GLIPR1: variants seen among roughly 807,000 people sequenced by gnomAD.
GLIPR1 encodes glioma pathogenesis-related protein 1.
In GLIPR1, 38 loss-of-function variants were observed where a neutral mutation model predicts 30.3. That is an observed-to-expected ratio of 1.26 (90% CI 0.97 to 1.65). GLIPR1 has a LOEUF of 1.65. Among genes scored for constraint, GLIPR1 ranks in the 40% most tolerant of loss-of-function variants. GLIPR1 has a pLI of 0.00. For synonymous variants in GLIPR1, 122 were observed against 110.6 expected, an observed-to-expected ratio of 1.10 and a Z score of -0.65; for missense variants, 285 against 326.5, an observed-to-expected ratio of 0.87 and a Z score of 0.98.
intron 3 of GLIPR1, chr12:75,494,455 G>C (rs2046339135): frequency 6.6e-6 from 1 of 152,090 alleles, no homozygotes; most frequent in Non-Finnish European, 1.5e-5. Context: ...TCAAAATATA[G>C]TTTGTGTTCA....
chr12:75,498,199 T>G (rs980086302), intron 4 of GLIPR1: 1 of 152,320 alleles, frequency 6.6e-6, no homozygotes, highest in East Asian at 1.9e-4. Context: ...TGAATAAAGC[T>G]CAGTGAAAGG....
At chr12:75,481,708 T>C (rs1159564047) in intron 1 of GLIPR1, 126 bp from the exon 2 acceptor site, 50 of 779,812 alleles carry the variant, frequency 6.4e-5, no homozygotes, top group South Asian at 5.0e-4. Context: ...ACCATATTTA[T>C]AGAGGACTCA....
In GLIPR1 at chr12:75,495,489, TC is replaced by T; in HGVS notation, c.534-87del. 4.2e-6 allele frequency: 3 copies of T among 705,892 alleles called. No homozygotes were observed. The South Asian group carries it at 4.8e-5, about 11-fold the overall frequency. 43.7% of individuals were successfully genotyped at this position (705,892 alleles called of 1,614,324 possible). On this transcript the variant is annotated intron_variant, in intron 3 of 5. Coordinates refer to ENST00000266659, the MANE Select transcript of GLIPR1 (RefSeq NM_006851.3). ...GGACCTTTGTACTTCACTCCACTAT[TC>T]TTCTGGATTTAGTTAAGGATTCATA... is the stretch of plus-strand genomic sequence containing the variant.
At chr12:75,485,761 G>A (rs560791805) in intron 2 of GLIPR1, among the ~76,000 whole-genome samples, 104 of 151,822 alleles carry the variant, frequency 6.9e-4, no homozygotes, top group African/African-American at 2.1e-3. Context: ...CGTTTTAGCC[G>A]GGATGGTCTC....
At chr12:75,491,091 T>C (rs1441350667) in intron 3 of GLIPR1, 1 of 152,234 alleles carries the variant, frequency 6.6e-6, no homozygotes, top group East Asian at 1.9e-4. Context: ...ACTGAAAATA[T>C]ACATTTTCTA....
At chr12:75,481,194 A>G in intron 1 of GLIPR1, 140 bp downstream of exon 1, 1 of 596,382 alleles carries the variant, frequency 1.7e-6, no homozygotes. Context: ...ACAGTCTGTG[A>G]TCAAAACACA....
rs551644100 is a variant in GLIPR1 at position 75,499,680 on chromosome 12, A to G, written c.*702A>G. The G allele has an allele frequency of 2.5e-5, 13 of 528,160 alleles. No individual in the cohort carries two copies. Among genetic ancestry groups the G allele is most frequent in the African/African-American group, 2.4e-4 (12 of 49,348 alleles). 32.7% of individuals were successfully genotyped at this position (528,160 alleles called of 1,614,324 possible). Reference sequence around the variant, plus strand: ...TATAATTTATAAAGAACACTCTTCTATGAACAACCACCACCACCAAAAAAA... The same window carrying G: ...TATAATTTATAAAGAACACTCTTCTGTGAACAACCACCACCACCAAAAAAA... On this transcript the variant is annotated 3_prime_UTR_variant, in exon 6 of 6. Coordinates refer to ENST00000266659, the MANE Select transcript of GLIPR1 (RefSeq NM_006851.3).
intron 3 of GLIPR1, chr12:75,490,794 G>C (rs2046319489): frequency 4.3e-6 from 1 of 230,918 alleles, no homozygotes; most frequent in African/African-American, 2.3e-5. Context: ...TTTTAAGAGT[G>C]GTAAGACTAA....
rs1335226571 is a variant in GLIPR1 at position 75,482,469 on chromosome 12, C to T, written c.420+390C>T. On this transcript the variant is annotated intron_variant, in intron 2 of 5. Transcript: ENST00000266659. ...ATAAAATTGGAAGAAACAAGACTCT[C>T]AGACAGAAACATCAATAAGAACTGA... 3.9e-5 allele frequency among the ~76,000 whole-genome samples: 6 copies of T among 152,306 alleles called. No homozygotes were observed. In the East Asian group the frequency reaches 1.2e-3, roughly 29 times the overall value.
In GLIPR1 at chr12:75,499,128, C is replaced by CCTAA. The variant is rs112476946; in HGVS notation, c.*153_*156dup. On this transcript the variant is annotated 3_prime_UTR_variant, in exon 6 of 6. Coordinates refer to ENST00000266659, the MANE Select transcript of GLIPR1 (RefSeq NM_006851.3). ...TACTCTTACTCAAAAGAAGAAATTTCCTAACTCTATCAGATAAACTCATCT... is the reference window on the plus strand; with the variant it reads ...TACTCTTACTCAAAAGAAGAAATTTCCTAACTAACTCTATCAGATAAACTCATCT... 3.5e-4 allele frequency: 172 copies of CCTAA among 491,758 alleles called. 1 individual carries two copies. Among genetic ancestry groups the CCTAA allele is most frequent in the African/African-American group, 3.2e-3 (161 of 49,626 alleles). The allele number at this position is 491,758 out of a possible 1,614,324, so 30.5% of individuals were successfully genotyped here.
Position 75,501,858 on chromosome 12 carries a change from T to G in GLIPR1, c.*2880T>G. ...AAAATATATCAGTTAAATGTATTTA[T>G]AGTTAAATAATTCAAGTATCTATGA... On this transcript the variant is annotated 3_prime_UTR_variant, in exon 6 of 6. Coordinates refer to ENST00000266659, the MANE Select transcript of GLIPR1 (RefSeq NM_006851.3). The G allele has an allele frequency of 1.9e-6, 3 of 1,572,402 alleles. No homozygotes were observed. Among genetic ancestry groups the G allele is most frequent in the Non-Finnish European group, 2.6e-6 (3 of 1,148,432 alleles).
At chr12:75,490,726 G>GT (rs2046318975) in intron 3 of GLIPR1, 5 of 483,452 alleles carry the variant, frequency 1.0e-5, no homozygotes, top group Non-Finnish European at 1.1e-5. Flanking sequence ...GAGAGAGAGA[G>GT]GGTGTGTGTG....
Position 75,498,864 on chromosome 12 carries a change from A to G in GLIPR1, c.687A>G (p.Pro229=), listed in dbSNP as rs773845498. 5.0e-5 allele frequency: 80 copies of G among 1,611,492 alleles called. No homozygotes were observed. Among genetic ancestry groups the G allele is most frequent in the Non-Finnish European group, 6.5e-5 (77 of 1,178,070 alleles). Residue 229 remains proline (P), a synonymous_variant, in exon 6 of 6, where the codon CCA becomes CCG. Transcript: ENST00000266659. ...SVVYPGWPIY[P]RNRYTSLFLI... is the part of the protein sequence containing the mutation. Reference sequence around the variant, plus strand: ...TATATCCAGGCTGGCCCATATATCCACGTAACAGATACACTTCTCTCTTTC... The same window carrying G: ...TATATCCAGGCTGGCCCATATATCCGCGTAACAGATACACTTCTCTCTTTC...
chr12:75,487,747 G>A (rs1477904735), intron 2 of GLIPR1: 1 of 456,528 alleles, frequency 2.2e-6, no homozygotes, highest in South Asian at 1.5e-5. Flanking sequence ...AGGTGTCACA[G>A]GAAAGGGGTC....
At chr12:75,493,410 G>C (rs2046334070) in intron 3 of GLIPR1, 1 of 152,104 alleles carries the variant, frequency 6.6e-6, no homozygotes, top group African/African-American at 2.4e-5. Flanking sequence ...CCTCAGAATG[G>C]GGTCTGGGAT....
At chr12:75,498,523 C>CAAGT in intron 4 of GLIPR1, 171 bp from the exon 5 acceptor site, 1 of 528,670 alleles carries the variant, frequency 1.9e-6, no homozygotes. Flanking sequence ...TTAAAAATAC[C>CAAGT]AAGTTAATTC....
Position 75,498,729 on chromosome 12 carries a change from A to G in GLIPR1, c.646+9A>G. 1.2e-6 allele frequency: 2 copies of G among 1,612,440 alleles called. No individual in the cohort carries two copies. Among genetic ancestry groups the G allele is most frequent in the South Asian group, 1.1e-5 (1 of 90,928 alleles). On this transcript the variant is annotated intron_variant, in intron 5 of 5. Transcript: ENST00000266659. ...GCGAGACCAAGTCAAACGTACGTACATCAATCTTAAATTGTTTCATTAAGA... is the reference window on the plus strand; with the variant it reads ...GCGAGACCAAGTCAAACGTACGTACGTCAATCTTAAATTGTTTCATTAAGA...
intron 2 of GLIPR1, among the ~76,000 whole-genome samples, chr12:75,486,618 A>C (rs2046295019): frequency 6.6e-6 from 1 of 152,238 alleles, no homozygotes; most frequent in African/African-American, 2.4e-5. Context: ...ACTTGGATAG[A>C]TAAACTGTGC....
chr12:75,496,696 G>A (rs1412047037), intron 4 of GLIPR1: 2 of 152,156 alleles, frequency 1.3e-5, no homozygotes, highest in Non-Finnish European at 2.9e-5. Context: ...GCTTAGAATA[G>A]AGGAAGGACA....
Sources: gnomAD v4.1 joint callset for allele counts (sites outside exome capture counted in the v4.1 genomes callset) on GRCh38, gnomAD v4.1.1 for gene constraint, MANE v1.5 for transcripts, NCBI Gene and HGNC (gene_info 2026-07-23, HGNC 2026-07-21) for gene names.